ZHX3: variants seen among roughly 807,000 people sequenced by gnomAD.
ZHX3 encodes zinc fingers and homeoboxes 3.
A neutral mutation model predicts 64.5 loss-of-function variants in ZHX3; 20 were observed. That is an observed-to-expected ratio of 0.31 (90% CI 0.22 to 0.45). The LOEUF (loss-of-function observed/expected upper bound fraction) is 0.45, where lower values mean the gene tolerates loss of function less well. Ranked by LOEUF, ZHX3 falls within the 20% of genes least tolerant of loss-of-function variation. The pLI, the probability that ZHX3 is intolerant of heterozygous loss-of-function variation, is 1.00. For missense variants in ZHX3, 1,041 were observed against 1,195.8 expected (o/e 0.87, Z 1.91); for synonymous variants, 423 against 461.6 (o/e 0.92, Z 1.07).
At chr20:41,225,778 G>GCC (rs1444450009) in intron 2 of ZHX3, among the ~76,000 whole-genome samples, 1 of 152,118 alleles carries the variant, frequency 6.6e-6, no homozygotes, top group African/African-American at 2.4e-5. Context: ...GTGAACCACC[G>GCC]CACCCAGACT....
At chr20:41,261,056 T>G (rs1313732003) in intron 2 of ZHX3, among the ~76,000 whole-genome samples, 4 of 152,150 alleles carry the variant, frequency 2.6e-5, no homozygotes, top group Admixed American at 2.0e-4. Context: ...GAAACTACTT[T>G]CAGCATGGAA....
chr20:41,271,014 C>T (rs770460430), intron 1 of ZHX3, among the ~76,000 whole-genome samples: 8 of 152,132 alleles, frequency 5.3e-5, no homozygotes, highest in Non-Finnish European at 1.2e-4. Context: ...ACAGTCTCTA[C>T]AAAAGTATTT....
rs1349298315 is a variant in ZHX3, at chr20:41,180,901, G to A, written c.*4290C>T. On this transcript the variant is annotated 3_prime_UTR_variant, in exon 4 of 4. Transcript: ENST00000683867. Reference sequence around the variant, plus strand: ...CCCTGCCGCCCCACTTAAATGGCCAGAGAAAACTACATGGTGGGTAGATGA... The same window carrying A: ...CCCTGCCGCCCCACTTAAATGGCCAAAGAAAACTACATGGTGGGTAGATGA... 1 of 152,274 alleles carries A rather than the reference G, an allele frequency of 6.6e-6. No individual in the cohort carries two copies. Among genetic ancestry groups the A allele is most frequent in the Non-Finnish European group, 1.5e-5 (1 of 68,084 alleles). 9.4% of individuals were successfully genotyped at this position (152,274 alleles called of 1,614,324 possible).
rs533444458 is a variant in ZHX3 at position 41,293,170 on chromosome 20, A to G, written c.-244-24087T>C. On this transcript the variant is annotated intron_variant, in intron 1 of 3. Coordinates refer to ENST00000683867, the MANE Select transcript of ZHX3 (RefSeq NM_001384317.1). ...CAAGAACTGTGCCCTGCTACTCAAAAGATGATCAGGGAGACCCACAACATC... is the reference window on the plus strand; with the variant it reads ...CAAGAACTGTGCCCTGCTACTCAAAGGATGATCAGGGAGACCCACAACATC... Among the ~76,000 whole-genome samples, 3 of 152,366 alleles carry G rather than the reference A, an allele frequency of 2.0e-5. No individual in the cohort carries two copies. The South Asian group carries it at 6.2e-4, about 32-fold the overall frequency.
At chr20:41,264,369 G>A (rs529548677) in intron 2 of ZHX3, among the ~76,000 whole-genome samples, 53 of 121,096 alleles carry the variant, frequency 4.4e-4, no homozygotes, top group African/African-American at 1.5e-3. Flanking sequence ...GAGAAACCCC[G>A]TCTCTACCAA....
intron 2 of ZHX3, among the ~76,000 whole-genome samples, chr20:41,211,839 A>G (rs2039180286): frequency 6.6e-6 from 1 of 152,230 alleles, no homozygotes; most frequent in Admixed American, 6.5e-5. Flanking sequence ...TGGGCTTACC[A>G]TCTCAAAGAG....
At chr20:41,187,544 TTGAA>T (rs569045547) in intron 3 of ZHX3, among the ~76,000 whole-genome samples, 299 of 152,272 alleles carry the variant, frequency 2.0e-3, no homozygotes, top group African/African-American at 6.8e-3. Context: ...TCTTTTCCCA[TTGAA>T]TGGTCTTTGC....
chr20:41,283,094 A>C lies in ZHX3; in HGVS notation c.-244-14011T>G, dbSNP rs140005101. Among the ~76,000 whole-genome samples, 18 of 152,166 alleles carry C rather than the reference A, an allele frequency of 1.2e-4. No homozygotes were observed. The East Asian group carries it at 2.9e-3, about 25-fold the overall frequency. On this transcript the variant is annotated intron_variant, in intron 1 of 3. Coordinates refer to ENST00000683867, the MANE Select transcript of ZHX3 (RefSeq NM_001384317.1). Reference sequence around the variant, plus strand: ...CAGCTAATTTTGTATTTTTAGTAGAAACAGGGTTTTTGTTATGTTGCCCAG... The same window carrying C: ...CAGCTAATTTTGTATTTTTAGTAGACACAGGGTTTTTGTTATGTTGCCCAG...
chr20:41,312,504 A>C (rs2045170264), intron 1 of ZHX3, among the ~76,000 whole-genome samples: 1 of 152,226 alleles, frequency 6.6e-6, no homozygotes, highest in South Asian at 2.1e-4. Context: ...GAAGTCAGCA[A>C]GACCACAGAC....
In ZHX3 at chr20:41,226,576, A is replaced by G. The variant is rs1347526221; in HGVS notation, c.-150-21510T>C. On this transcript the variant is annotated intron_variant, in intron 2 of 3. Transcript: ENST00000683867. This position sits in a 1 kb window ranked among gnomAD's most constrained non-coding sequence, Gnocchi z 4.4. ...ACACTTTTTCTTGTTTAAGCTCTCC[A>G]CAATCCTATGATGCTGGCAGAGCAG... Among the ~76,000 whole-genome samples, 1 of 152,088 alleles carries G rather than the reference A, an allele frequency of 6.6e-6. No homozygotes were observed. Among genetic ancestry groups the G allele is most frequent in the Non-Finnish European group, 1.5e-5 (1 of 68,022 alleles).
chr20:41,295,969 C>T (rs2044495447), intron 1 of ZHX3, among the ~76,000 whole-genome samples: 1 of 152,082 alleles, frequency 6.6e-6, no homozygotes, highest in South Asian at 2.1e-4. Context: ...TCTTCTCGTT[C>T]AGTTGGTTGT....
intron 2 of ZHX3, among the ~76,000 whole-genome samples, chr20:41,259,587 T>G (rs752223483): frequency 1.3e-5 from 2 of 152,164 alleles, no homozygotes; most frequent in Non-Finnish European, 2.9e-5. Flanking sequence ...GATATACTAT[T>G]AAATGAAAAC....
intron 2 of ZHX3, among the ~76,000 whole-genome samples, chr20:41,214,773 CT>C (rs1335109084): frequency 6.6e-6 from 1 of 152,158 alleles, no homozygotes; most frequent in Non-Finnish European, 1.5e-5. Context: ...TGGAGCATGT[CT>C]GATAAATGAG....
Position 41,232,834 on chromosome 20 carries a change from C to T in ZHX3, c.-150-27768G>A, listed in dbSNP as rs913117882. Among the ~76,000 whole-genome samples the T allele has an allele frequency of 6.6e-6, 1 of 152,172 alleles. No homozygotes were observed. Among genetic ancestry groups the T allele is most frequent in the Non-Finnish European group, 1.5e-5 (1 of 68,044 alleles). The stretch of plus-strand genomic sequence containing the variant: ...TCTCCTGACCTCGTGATCCCCCCGC[C>T]TCGGCCTCCCAAAGTGCTGGGATTA... On this transcript the variant is annotated intron_variant, in intron 2 of 3. Transcript: ENST00000683867. The surrounding 1 kb of genome is among the most constrained non-coding windows in gnomAD (Gnocchi z 5.0).
chr20:41,262,593 T>C (rs2042617377), intron 2 of ZHX3, among the ~76,000 whole-genome samples: 1 of 152,200 alleles, frequency 6.6e-6, no homozygotes, highest in Non-Finnish European at 1.5e-5. Flanking sequence ...ACATCACATC[T>C]TTTGCCATTG....
chr20:41,272,944 C>G (rs1395012440), intron 1 of ZHX3, among the ~76,000 whole-genome samples: 1 of 152,170 alleles, frequency 6.6e-6, no homozygotes, highest in Admixed American at 6.5e-5. Context: ...TTTTGAGGAA[C>G]TACTACACTG....
At chr20:41,194,908 C>CCTCT (rs1321112834) in intron 3 of ZHX3, among the ~76,000 whole-genome samples, 1 of 152,002 alleles carries the variant, frequency 6.6e-6, no homozygotes, top group East Asian at 1.9e-4. Flanking sequence ...TGTAACATCC[C>CCTCT]CTCTTTCCTT....
At chr20:41,253,317 C>A (rs936774924) in intron 2 of ZHX3, among the ~76,000 whole-genome samples, 17 of 150,586 alleles carry the variant, frequency 1.1e-4, no homozygotes, top group African/African-American at 4.1e-4. Context: ...AGCTTTGTAG[C>A]CTCTTTGTCT....
At chr20:41,193,085 C>G (rs1349838993) in intron 3 of ZHX3, among the ~76,000 whole-genome samples, 2 of 152,148 alleles carry the variant, frequency 1.3e-5, no homozygotes, top group Non-Finnish European at 2.9e-5. Context: ...CTTGGATAAT[C>G]TATTCAAAGT....
Sources: allele counts gnomAD v4.1 joint callset (sites outside exome capture counted in the v4.1 genomes callset), GRCh38; gene constraint gnomAD v4.1.1; non-coding constraint Gnocchi (gnomAD v3.1); transcripts MANE v1.5; gene names NCBI Gene and HGNC (gene_info 2026-07-23, HGNC 2026-07-21).